GUCY2C: variants seen among roughly 807,000 people sequenced by gnomAD.
The protein encoded by GUCY2C is guanylate cyclase 2C, also known as guanylyl cyclase C.
Under a neutral mutation model 131.1 loss-of-function variants are expected in GUCY2C, and 118 were observed. The observed-to-expected ratio is 0.90, with a 90% CI of 0.78 to 1.05. GUCY2C has a LOEUF of 1.05. GUCY2C is among the 50% of genes least tolerant of loss of function. The pLI, the probability that GUCY2C is intolerant of heterozygous loss-of-function variation, is 0.00. For synonymous variants in GUCY2C, 452 were observed against 457.8 expected (o/e 0.99, Z 0.16); for missense variants, 1,161 against 1,304.4 (o/e 0.89, Z 1.69).
intron 21 of GUCY2C, among the ~76,000 whole-genome samples, chr12:14,623,679 G>A (rs1485286465): frequency 6.6e-6 from 1 of 152,174 alleles, no homozygotes; most frequent in African/African-American, 2.4e-5. Flanking sequence ...TTAAGGGAGG[G>A]ACCTGGTGGG....
At chr12:14,649,565 A>G (rs996069533) in intron 15 of GUCY2C, among the ~76,000 whole-genome samples, 1 of 152,218 alleles carries the variant, frequency 6.6e-6, no homozygotes, top group African/African-American at 2.4e-5. Flanking sequence ...CACAAAAAGC[A>G]TAACACAAAT....
At chr12:14,693,199 C>T (rs1199217418) in intron 1 of GUCY2C, among the ~76,000 whole-genome samples, 8 of 152,068 alleles carry the variant, frequency 5.3e-5, no homozygotes, top group Admixed American at 3.3e-4. Flanking sequence ...CAATATGGGG[C>T]GAGCTCAGAA....
chr12:14,639,436 A>G lies in GUCY2C; in HGVS notation c.2157+426T>C, dbSNP rs116857004. ...GCTCCCAAAGACATGCTGCGTCCTA[A>G]TACCTGGAACCTATGAATGCTACCT... is the stretch of plus-strand genomic sequence containing the variant. On this transcript the variant is annotated intron_variant, in intron 19 of 26. Coordinates refer to ENST00000261170, the MANE Select transcript of GUCY2C (RefSeq NM_004963.4). Among the ~76,000 whole-genome samples the G allele has an allele frequency of 3.2e-4, 48 of 152,296 alleles. 1 individual carries two copies. In the East Asian group the frequency reaches 6.7e-3, roughly 21 times the overall value.
intron 23 of GUCY2C, among the ~76,000 whole-genome samples, chr12:14,620,130 G>C (rs1592075223): frequency 1.3e-5 from 2 of 152,104 alleles, no homozygotes; most frequent in African/African-American, 2.4e-5. Context: ...GATGTTCAAG[G>C]CTGTTGAATT....
intron 19 of GUCY2C, among the ~76,000 whole-genome samples, chr12:14,638,501 G>T (rs1310402549): frequency 6.6e-6 from 1 of 152,190 alleles, no homozygotes; most frequent in Non-Finnish European, 1.5e-5. Flanking sequence ...AAAATAAAAT[G>T]CAGGATGTGT....
Position 14,635,937 on chromosome 12 carries a change from G to A in GUCY2C, c.2157+3925C>T, listed in dbSNP as rs1167948197. Among the ~76,000 whole-genome samples the A allele has an allele frequency of 2.6e-5, 4 of 152,072 alleles. No individual in the cohort carries two copies. The East Asian group carries it at 7.7e-4, about 29-fold the overall frequency. ...TAGAATACCATAGAATACATGAACA[G>A]ACCAACAATGAGTAATGAGACTGAA... On this transcript the variant is annotated intron_variant, in intron 19 of 26. Coordinates refer to ENST00000261170, the MANE Select transcript of GUCY2C (RefSeq NM_004963.4).
chr12:14,617,549 T>C (rs1035194890), intron 24 of GUCY2C, among the ~76,000 whole-genome samples: 1 of 151,830 alleles, frequency 6.6e-6, no homozygotes, highest in Non-Finnish European at 1.5e-5. Flanking sequence ...TTCGGGAGAG[T>C]TGAGGGGTCT....
chr12:14,670,278 A>T (rs1031421998), intron 9 of GUCY2C, among the ~76,000 whole-genome samples: 2 of 152,206 alleles, frequency 1.3e-5, no homozygotes, highest in African/African-American at 4.8e-5. Flanking sequence ...CCATTATGTC[A>T]TTTTGATACA....
At chr12:14,637,195 C>A (rs1373718281) in intron 19 of GUCY2C, among the ~76,000 whole-genome samples, 3 of 10,434 alleles carry the variant, frequency 2.9e-4, no homozygotes, top group Admixed American at 2.8e-3. Context: ...ACAATAGCTA[C>A]CAAAAAAAAA....
chr12:14,631,151 G>A (rs1277358277), intron 19 of GUCY2C, among the ~76,000 whole-genome samples: 2 of 152,160 alleles, frequency 1.3e-5, no homozygotes, highest in African/African-American at 4.8e-5. Flanking sequence ...TTTGTAAATG[G>A]AAGGAAAATG....
rs183227551 is a variant in GUCY2C, at chr12:14,661,998, G to A, written c.1283-936C>T. Among the ~76,000 whole-genome samples, 92 of 152,262 alleles carry A rather than the reference G, an allele frequency of 6.0e-4. 2 individuals are homozygous for A. Among genetic ancestry groups the A allele is most frequent in the African/African-American group, 2.2e-3 (90 of 41,548 alleles). ...AAGGAAGCACTGAAGCAGTGTCTGA[G>A]TATACAAAGGAATACTCCTACACAG... On this transcript the variant is annotated intron_variant, in intron 10 of 26. Transcript: ENST00000261170.
intron 1 of GUCY2C, among the ~76,000 whole-genome samples, chr12:14,690,651 C>T (rs1055503309): frequency 4.6e-5 from 7 of 152,140 alleles, no homozygotes; most frequent in Non-Finnish European, 8.8e-5. Flanking sequence ...ATGCCATTCT[C>T]CTGCCTCAGC....
In GUCY2C at chr12:14,619,271, G is replaced by A. The variant is rs1474482729; in HGVS notation, c.2815C>T (p.Arg939Cys). The change falls in exon 24 of 27, where the codon CGT becomes TGT. Residue 939 changes from arginine (R) to cysteine (C), a missense_variant. Physicochemically the swap from Arg to Cys is radical, Grantham distance 180. Transcript: ENST00000261170. ...AAGVVGIKMPRYCLFGDTVNT... is the reference protein window; with the variant it reads ...AAGVVGIKMPCYCLFGDTVNT... Reference sequence around the variant, plus strand: ...ACCGTATCTCCAAATAGACAATAACGAGGCATCTTGATTCCCACAACTCCA... The same window carrying A: ...ACCGTATCTCCAAATAGACAATAACAAGGCATCTTGATTCCCACAACTCCA... 5.0e-6 allele frequency: 8 copies of A among 1,612,694 alleles called. No homozygotes were observed. The highest frequency in any genetic ancestry group is 2.7e-5 in the African/African-American group (2 of 74,848).
At chr12:14,639,299 CAAAAA>C (rs34629608) in intron 19 of GUCY2C, among the ~76,000 whole-genome samples, 1 of 77,114 alleles carries the variant, frequency 1.3e-5, no homozygotes. Flanking sequence ...GACTCCGTCT[CAAAAA>C]AAAAAAAAAA....
At chr12:14,657,751 A>T (rs1947790662) in intron 11 of GUCY2C, among the ~76,000 whole-genome samples, 1 of 151,002 alleles carries the variant, frequency 6.6e-6, no homozygotes, top group African/African-American at 2.4e-5. Flanking sequence ...TCATCTCAAA[A>T]CTCTCCCCAC....
At chr12:14,684,242 C>T (rs1948412774) in intron 3 of GUCY2C, among the ~76,000 whole-genome samples, 1 of 152,128 alleles carries the variant, frequency 6.6e-6, no homozygotes, top group Non-Finnish European at 1.5e-5. Context: ...TTTTCCTAGT[C>T]TTATCTCTAT....
At chr12:14,661,792 T>C (rs745636744) in intron 10 of GUCY2C, among the ~76,000 whole-genome samples, 38 of 152,132 alleles carry the variant, frequency 2.5e-4, no homozygotes, top group Non-Finnish European at 4.3e-4. Context: ...CAGTATAGAA[T>C]ATTAAGTGAC....
chr12:14,631,283 A>G (rs2137000673), intron 19 of GUCY2C, among the ~76,000 whole-genome samples: 1 of 152,088 alleles, frequency 6.6e-6, no homozygotes, highest in African/African-American at 2.4e-5. Context: ...CACAATGTGC[A>G]GGTTAGTTAC....
intron 21 of GUCY2C, among the ~76,000 whole-genome samples, chr12:14,625,011 G>T (rs1221351323): frequency 6.6e-6 from 1 of 152,174 alleles, no homozygotes; most frequent in Admixed American, 6.5e-5. Context: ...TCCTTGAAGT[G>T]AATATGAAGG....
Sources: allele counts gnomAD v4.1 joint callset (sites outside exome capture counted in the v4.1 genomes callset), GRCh38; gene constraint gnomAD v4.1.1; transcripts MANE v1.5; gene names NCBI Gene and HGNC (gene_info 2026-07-23, HGNC 2026-07-21).